Variants in NPSR1 observed in about 807,000 individuals in gnomAD.
NPSR1 encodes the protein neuropeptide S receptor 1, also known as neuropeptide S receptor.
A neutral mutation model predicts 46.9 loss-of-function variants in NPSR1; 48 were observed. The ratio of observed to expected loss-of-function variants is 1.02; its 90% CI spans 0.81 to 1.30. The LOEUF (loss-of-function observed/expected upper bound fraction) is 1.30, where lower values mean the gene tolerates loss of function less well. Ranked by LOEUF, NPSR1 falls within the 50% of genes most tolerant of loss-of-function variation. NPSR1 has a pLI of 0.00. For missense variants in NPSR1, 450 were observed against 449.5 expected (o/e 1.00, Z -0.01); for synonymous variants, 176 against 168.1 (o/e 1.05, Z -0.36).
At chr7:34,658,684 A>C in intron 1 of NPSR1, 125 bp downstream of exon 1, 1 of 1,034,198 alleles carries the variant, frequency 9.7e-7, no homozygotes, top group Non-Finnish European at 1.4e-6. Context: ...ACTAAAAAGG[A>C]TTTTTAAAAG....
intron 2 of NPSR1, among the ~76,000 whole-genome samples, chr7:34,761,801 C>T (rs1786185948): frequency 6.6e-6 from 1 of 152,140 alleles, no homozygotes; most frequent in African/African-American, 2.4e-5. Context: ...AGTTTGAGCC[C>T]CATGTTGTGC....
downstream of NPSR1, among the ~76,000 whole-genome samples, chr7:34,850,605 T>A (rs1323159646): frequency 6.6e-6 from 1 of 152,130 alleles, no homozygotes; most frequent in African/African-American, 2.4e-5. Flanking sequence ...TTTCACCGTG[T>A]TAGCCAGGAT....
chr7:34,863,965 G>A (rs946409367), intron 8 of NPSR1, among the ~76,000 whole-genome samples: 1 of 151,680 alleles, frequency 6.6e-6, no homozygotes, highest in Middle Eastern at 3.2e-3. Context: ...GCAAAGACTT[G>A]GAACCAACCC....
At chr7:34,794,925 G>C (rs980908638) in intron 3 of NPSR1, among the ~76,000 whole-genome samples, 3 of 152,138 alleles carry the variant, frequency 2.0e-5, no homozygotes, top group Non-Finnish European at 4.4e-5. Flanking sequence ...TGTACTCCTA[G>C]CTACTTGGGA....
chr7:34,866,873 C>A (rs952152315), intron 8 of NPSR1, among the ~76,000 whole-genome samples: 4 of 151,628 alleles, frequency 2.6e-5, no homozygotes, highest in Admixed American at 6.6e-5. Context: ...ATTCTTTAGA[C>A]CACATGGGAG....
At chr7:34,829,153 C>T (rs1438251384) in intron 5 of NPSR1, among the ~76,000 whole-genome samples, 3 of 152,006 alleles carry the variant, frequency 2.0e-5, no homozygotes, top group Non-Finnish European at 2.9e-5. Flanking sequence ...TGGTCAAACC[C>T]CTGAATTTTT....
downstream of NPSR1, among the ~76,000 whole-genome samples, chr7:34,853,149 T>C (rs983590280): frequency 6.6e-6 from 1 of 152,242 alleles, no homozygotes; most frequent in Admixed American, 6.5e-5. Flanking sequence ...TGGAAAATTC[T>C]GTATACTCAT....
intron 8 of NPSR1, among the ~76,000 whole-genome samples, chr7:34,872,013 T>C (rs2128770409): frequency 6.6e-6 from 1 of 152,050 alleles, no homozygotes; most frequent in East Asian, 1.9e-4. Context: ...CAATCCCACA[T>C]TTCCCCCTGC....
intron 6 of NPSR1, among the ~76,000 whole-genome samples, chr7:34,839,261 C>A (rs180917622): frequency 1.1e-3 from 174 of 152,308 alleles, no homozygotes; most frequent in African/African-American, 4.0e-3. Context: ...TGAATCTCCC[C>A]AGCTGATCTA....
At chr7:34,837,656 G>A (rs1446757095) in intron 6 of NPSR1, among the ~76,000 whole-genome samples, 1 of 152,204 alleles carries the variant, frequency 6.6e-6, no homozygotes, top group African/African-American at 2.4e-5. Flanking sequence ...CAGAAGACAG[G>A]CTCTAAGGTT....
intron 2 of NPSR1, chr7:34,751,618 C>T: frequency 6.2e-7 from 1 of 1,602,602 alleles, no homozygotes; most frequent in Non-Finnish European, 8.6e-7. Context: ...GAGCTCTCCA[C>T]TCACTGCCTG....
At chr7:34,664,759 G>C in intron 1 of NPSR1, among the ~76,000 whole-genome samples, 1 of 152,248 alleles carries the variant, frequency 6.6e-6, no homozygotes, top group East Asian at 1.9e-4. Context: ...AAGGCTATTT[G>C]CAGAAAGAGC....
chr7:34,836,501 G>C (rs980516629), intron 6 of NPSR1, among the ~76,000 whole-genome samples: 1 of 152,046 alleles, frequency 6.6e-6, no homozygotes, highest in African/African-American at 2.4e-5. Flanking sequence ...TGCCCATATG[G>C]AAACAATCAT....
chr7:34,696,352 A>C (rs903489338), intron 2 of NPSR1, among the ~76,000 whole-genome samples: 1 of 152,072 alleles, frequency 6.6e-6, no homozygotes, highest in African/African-American at 2.4e-5. Context: ...AAAGTTACCT[A>C]TTGGTTACAG....
intron 3 of NPSR1, among the ~76,000 whole-genome samples, chr7:34,780,193 A>T (rs1019911407): frequency 3.3e-5 from 5 of 152,168 alleles, no homozygotes; most frequent in African/African-American, 1.2e-4. Flanking sequence ...TGTACAAATC[A>T]ACTTGGATTC....
chr7:34,739,173 G>C (rs537557668), intron 2 of NPSR1, among the ~76,000 whole-genome samples: 22 of 152,128 alleles, frequency 1.4e-4, no homozygotes, highest in African/African-American at 4.8e-4. Flanking sequence ...CCAGCTTTTG[G>C]CTATTGGGAA....
intron 1 of NPSR1, among the ~76,000 whole-genome samples, chr7:34,662,813 TGAG>T (rs1791521919): frequency 6.6e-6 from 1 of 152,138 alleles, no homozygotes; most frequent in Admixed American, 6.5e-5. Context: ...TGAGAAAGGC[TGAG>T]GATGGCACAC....
intron 1 of NPSR1, among the ~76,000 whole-genome samples, chr7:34,670,149 G>C (rs1791974179): frequency 6.6e-6 from 1 of 152,116 alleles, no homozygotes. Flanking sequence ...AAATAGGTGA[G>C]AAAAGCTCAG....
At chr7:34,874,629 C>T (rs1791534918) in intron 8 of NPSR1, among the ~76,000 whole-genome samples, 1 of 152,258 alleles carries the variant, frequency 6.6e-6, no homozygotes, top group East Asian at 1.9e-4. Context: ...CCACTGAAAG[C>T]TGAAAGGGTT....
Sources: allele counts gnomAD v4.1 joint callset (sites outside exome capture counted in the v4.1 genomes callset), GRCh38; gene constraint gnomAD v4.1.1; transcripts MANE v1.5; gene names NCBI Gene and HGNC (gene_info 2026-07-23, HGNC 2026-07-21).